The following PDE6C variants were observed in gnomAD, a reference collection of about 807,000 sequenced individuals.
PDE6C encodes the protein phosphodiesterase 6C, also known as cone cGMP-specific 3',5'-cyclic phosphodiesterase subunit alpha'.
A neutral mutation model predicts 113.1 loss-of-function variants in PDE6C; 75 were observed. The observed-to-expected ratio is 0.66, with a 90% confidence interval of 0.55 to 0.80. PDE6C has a LOEUF of 0.80. Ranked by LOEUF, PDE6C falls within the 30% of genes least tolerant of loss-of-function variation. PDE6C has a pLI of 0.00. For missense variants in PDE6C, 912 were observed against 1,038.6 expected (o/e 0.88, Z 1.67); for synonymous variants, 375 against 363.7 (o/e 1.03, Z -0.35).
At chr10:93,615,148 C>T (rs1282087718) in intron 1 of PDE6C, among the ~76,000 whole-genome samples, 4 of 152,090 alleles carry the variant, frequency 2.6e-5, no homozygotes, top group Non-Finnish European at 5.9e-5. Context: ...AAAAATAAGC[C>T]AGGCATGGTG....
intron 11 of PDE6C, among the ~76,000 whole-genome samples, chr10:93,638,475 ATCT>A (rs1284233236): frequency 6.6e-6 from 1 of 152,182 alleles, no homozygotes; most frequent in Non-Finnish European, 1.5e-5. Flanking sequence ...AACAATAGGC[ATCT>A]TCTTGGAAAA....
chr10:93,642,563 G>GTGT (rs2058565060), intron 14 of PDE6C, among the ~76,000 whole-genome samples: 1 of 152,098 alleles, frequency 6.6e-6, no homozygotes, highest in Admixed American at 6.5e-5. Flanking sequence ...AAGTAGTGAA[G>GTGT]TGTTGTAGAC....
chr10:93,639,274 T>C (rs637959), intron 11 of PDE6C, among the ~76,000 whole-genome samples: 46,277 of 152,156 alleles, frequency 0.3, 7,177 homozygotes, highest in Admixed American at 0.38. Context: ...CATGGAGCAC[T>C]GGCCATACTC....
At chr10:93,651,703 G>T (rs1305438153) in intron 15 of PDE6C, among the ~76,000 whole-genome samples, 2 of 152,186 alleles carry the variant, frequency 1.3e-5, no homozygotes, top group Non-Finnish European at 2.9e-5. Context: ...AGCCCATGAA[G>T]CTCCAGGCCT....
chr10:93,621,426 C>T (rs1018363428), intron 3 of PDE6C, among the ~76,000 whole-genome samples: 1 of 152,186 alleles, frequency 6.6e-6, no homozygotes, highest in Non-Finnish European at 1.5e-5. Context: ...ACCTAAGATA[C>T]CTAGGTCTGG....
intron 4 of PDE6C, among the ~76,000 whole-genome samples, chr10:93,622,639 G>GTTTTTTTTTTTTTTTTTTTTTTTTTT (rs67350128): frequency 2.6e-5 from 3 of 113,988 alleles, no homozygotes; most frequent in African/African-American, 1.1e-4. Context: ...GTAGCCACAG[G>GTTTTTTTTTTTTTTTTTTTTTTTTTT]TTTTTTTTTT....
In PDE6C at chr10:93,640,964, C is replaced by G. The variant is rs754009651; in HGVS notation, c.1782C>G (p.Ala594=). 6.2e-7 allele frequency: 1 copy of G among 1,613,294 alleles called. No individual in the cohort carries two copies. Among genetic ancestry groups the G allele is most frequent in the South Asian group, 1.1e-5 (1 of 91,068 alleles). The part of the protein sequence containing the change: ...KKYYTDLEAF[A]MLAAAFCHDI... ...ACTACACAGATCTCGAAGCCTTTGC[C>G]ATGCTTGCTGCTGCTTTCTGCCATG... Residue 594 remains alanine (A), a synonymous_variant, in exon 14 of 22, where the codon GCC becomes GCG. Transcript: ENST00000371447.
intron 18 of PDE6C, among the ~76,000 whole-genome samples, chr10:93,660,659 C>A: frequency 6.6e-6 from 1 of 152,128 alleles, no homozygotes; most frequent in East Asian, 1.9e-4. Context: ...CCGTCACCAT[C>A]AAGTCCAAAA....
intron 19 of PDE6C, 100 bp from the exon 20 acceptor site, chr10:93,662,460 C>CAAA (rs11364728): frequency 0.011 from 3,422 of 318,160 alleles, 3 homozygotes; most frequent in Non-Finnish European, 0.013. Flanking sequence ...GACTCTGCCT[C>CAAA]AAAAAAAAAA....
chr10:93,619,418 C>A (rs940323207), intron 1 of PDE6C, among the ~76,000 whole-genome samples: 6 of 152,080 alleles, frequency 3.9e-5, no homozygotes, highest in African/African-American at 7.2e-5. Flanking sequence ...AGAATGTGAA[C>A]CTTTCTTTTT....
intron 1 of PDE6C, among the ~76,000 whole-genome samples, chr10:93,620,148 G>A (rs1293975260): frequency 2.6e-5 from 4 of 152,184 alleles, no homozygotes; most frequent in Admixed American, 2.6e-4. Context: ...TAGATTGGAA[G>A]GAACTGGGGG....
chr10:93,634,886 G>T lies in PDE6C; in HGVS notation c.1248G>T (p.Glu416Asp). Residue 416 changes from glutamate to aspartate, a missense_variant, in exon 9 of 22, where the codon GAG becomes GAT. Coordinates refer to ENST00000371447, the MANE Select transcript of PDE6C (RefSeq NM_006204.4). ...GGAAGGATGGAAAACCTTTCGATGA[G>T]CATGATGAATACATTACCGAGGCAA... ...YNRKDGKPFDEHDEYITETLT... is the reference protein window; with the variant it reads ...YNRKDGKPFDDHDEYITETLT... 1 of 1,614,074 alleles carries T rather than the reference G, an allele frequency of 6.2e-7. No homozygotes were observed. The highest frequency in any genetic ancestry group is 8.5e-7 in the Non-Finnish European group (1 of 1,179,970).
chr10:93,620,756 C>T lies in PDE6C; in HGVS notation c.605C>T (p.Ala202Val). Residue 202 changes from alanine to valine, a missense_variant, in exon 2 of 22, where the codon GCA becomes GTA. Transcript: ENST00000371447. ...ATCATGGCAGTTAACAAAGTAAATG[C>T]ATCTGAATTTTCCAAACAGGATGAA... is the stretch of plus-strand genomic sequence containing the variant. ...AVIMAVNKVN[A>V]SEFSKQDEEV... is the part of the protein sequence containing the mutation. 1 of 1,614,150 alleles carries T rather than the reference C, an allele frequency of 6.2e-7. No individual in the cohort carries two copies. Among genetic ancestry groups the T allele is most frequent in the East Asian group, 2.2e-5 (1 of 44,876 alleles).
At chr10:93,637,204 ATTC>A (rs2058537796) in intron 11 of PDE6C, 141 bp downstream of exon 11, 1 of 648,222 alleles carries the variant, frequency 1.5e-6, no homozygotes, top group African/African-American at 1.8e-5. Flanking sequence ...AAAAGAAAGA[ATTC>A]TTCTAAAGAT....
At position 93,659,003 on chromosome 10, in the gene PDE6C, T is replaced by G. The variant is rs1484346228; in HGVS notation, c.2139T>G (p.Ile713Met). 3.1e-6 allele frequency: 5 copies of G among 1,591,538 alleles called. No individual in the cohort carries two copies. In the African/African-American group the frequency reaches 6.7e-5, roughly 21 times the overall value. The change falls in exon 17 of 22, where the codon ATT becomes ATG. Residue 713 changes from isoleucine to methionine, a missense_variant. Ile to Met is a conservative substitution (Grantham distance 10). Transcript: ENST00000371447. The stretch of plus-strand genomic sequence containing the variant: ...CTGTTGATCCAACCAAGAAAGAGAT[T>G]ATCATGTAGGTAGTTGAAATTGTAT... Reference protein sequence around the residue: ...YVTVDPTKKEIIMAMMMTACD... With the variant: ...YVTVDPTKKEMIMAMMMTACD...
rs756598667 is a variant in PDE6C, at chr10:93,634,746, T to C, written c.1120-12T>C. On this transcript the variant is annotated splice_polypyrimidine_tract_variant and intron_variant, in intron 8 of 21. Coordinates refer to ENST00000371447, the MANE Select transcript of PDE6C (RefSeq NM_006204.4). ...GGCAAAAAAATAACTTGAGGTCCCT[T>C]CTCGTTTGTAGAAAGGACCTGTAGA... 6.2e-7 allele frequency: 1 copy of C among 1,614,022 alleles called. No individual in the cohort carries two copies. The highest frequency in any genetic ancestry group is 1.1e-5 in the South Asian group (1 of 91,072).
intron 18 of PDE6C, among the ~76,000 whole-genome samples, chr10:93,660,181 T>C (rs1564806205): frequency 6.6e-6 from 1 of 152,196 alleles, no homozygotes; most frequent in African/African-American, 2.4e-5. Flanking sequence ...TCACCCATCC[T>C]AGCTTCATGA....
intron 15 of PDE6C, among the ~76,000 whole-genome samples, chr10:93,648,224 T>C (rs17407606): frequency 0.022 from 3,278 of 152,294 alleles, 45 homozygotes; most frequent in Middle Eastern, 0.044. Flanking sequence ...GATGGCTATA[T>C]AAAGACTTAT....
intron 11 of PDE6C, among the ~76,000 whole-genome samples, chr10:93,638,076 C>T (rs890719049): frequency 2.0e-5 from 3 of 152,110 alleles, no homozygotes; most frequent in East Asian, 1.9e-4. Flanking sequence ...GGGATATTTA[C>T]GAAGACCCCA....
Sources: gnomAD v4.1 joint callset for allele counts (sites outside exome capture counted in the v4.1 genomes callset) on GRCh38, gnomAD v4.1.1 for gene constraint, MANE v1.5 for transcripts, NCBI Gene and HGNC (gene_info 2026-07-23, HGNC 2026-07-21) for gene names.